NAALADL2: variants seen among roughly 807,000 people sequenced by gnomAD.
The protein encoded by NAALADL2 is N-acetylated alpha-linked acidic dipeptidase like 2.
A neutral mutation model predicts 87.2 loss-of-function variants in NAALADL2; 76 were observed. The observed-to-expected ratio is 0.87, with a 90% confidence interval of 0.72 to 1.05. The LOEUF (loss-of-function observed/expected upper bound fraction) is 1.05, where lower values mean the gene tolerates loss of function less well. Ranked by LOEUF, NAALADL2 falls within the 50% of genes least tolerant of loss-of-function variation. The pLI is 0.00. For synonymous variants in NAALADL2, 354 were observed against 331.0 expected (o/e 1.07, Z -0.75); for missense variants, 1,089 against 945.8 (o/e 1.15, Z -1.99).
Position 175,627,312 on chromosome 3 carries a change from G to T in NAALADL2, c.1822G>T (p.Ala608Ser), listed in dbSNP as rs752378938. ...GCAGGGTCCAAGTTTTCTCTCCGAG[G>T]CCCGTTTTTCTACACGAGCAACAAA... ...TLEGPSFLSE[A>S]RFSTRATKIE... Residue 608 changes from alanine to serine, a missense_variant, in exon 11 of 14, where the codon GCC becomes TCC. Physicochemically the swap from Ala to Ser is moderately conservative, Grantham distance 99 (BLOSUM62 1). Transcript: ENST00000454872. 2 of 1,567,964 alleles carry T rather than the reference G, an allele frequency of 1.3e-6. No individual in the cohort carries two copies. The highest frequency in any genetic ancestry group is 1.7e-6 in the Non-Finnish European group (2 of 1,154,124).
At chr3:175,325,948 T>G (rs1031582487) in intron 5 of NAALADL2, among the ~76,000 whole-genome samples, 7 of 152,286 alleles carry the variant, frequency 4.6e-5, no homozygotes, top group African/African-American at 1.7e-4. Flanking sequence ...CTAGAAATAA[T>G]TTTTCATTTT....
At chr3:175,342,120 T>C (rs1762624008) in intron 5 of NAALADL2, among the ~76,000 whole-genome samples, 1 of 152,168 alleles carries the variant, frequency 6.6e-6, no homozygotes, top group Admixed American at 6.6e-5. Flanking sequence ...TACAACTTTG[T>C]TCTTGTTTTG....
intron 5 of NAALADL2, among the ~76,000 whole-genome samples, chr3:175,355,509 C>G (rs914671494): frequency 6.6e-6 from 1 of 152,156 alleles, no homozygotes; most frequent in Non-Finnish European, 1.5e-5. Context: ...ACTGATTGCG[C>G]TCAGGCTGGC....
At chr3:174,809,981 G>C (rs1009199965) in intron 3 of NAALADL2, among the ~76,000 whole-genome samples, 1 of 152,108 alleles carries the variant, frequency 6.6e-6, no homozygotes, top group East Asian at 1.9e-4. Context: ...TGCTCCTGCT[G>C]TGGAAGATGC....
intron 5 of NAALADL2, among the ~76,000 whole-genome samples, chr3:175,343,655 G>GTTTTTTTTTTTTGTTTTT (rs1762802173): frequency 1.5e-5 from 1 of 64,726 alleles, no homozygotes; most frequent in African/African-American, 4.6e-5. Context: ...TCTTGATCAT[G>GTTTTTTTTTTTTGTTTTT]TTTTTTTTTT....
chr3:175,662,326 T>C (rs2149814779), intron 11 of NAALADL2, among the ~76,000 whole-genome samples: 1 of 152,136 alleles, frequency 6.6e-6, no homozygotes, highest in Middle Eastern at 3.4e-3. Flanking sequence ...AGCTACTGAT[T>C]TTTGTATGTT....
intron 9 of NAALADL2, among the ~76,000 whole-genome samples, chr3:175,485,750 C>G (rs1422871352): frequency 6.6e-6 from 1 of 152,192 alleles, no homozygotes; most frequent in African/African-American, 2.4e-5. Context: ...CTGGCTCTCC[C>G]AGTCCACTGA....
chr3:174,611,137 G>A (rs1719814494), intron 2 of NAALADL2, among the ~76,000 whole-genome samples: 1 of 148,488 alleles, frequency 6.7e-6, no homozygotes, highest in South Asian at 2.2e-4. Context: ...GACACGGGAA[G>A]GGGAACATCA....
chr3:174,724,880 G>A (rs1453455115), intron 2 of NAALADL2, among the ~76,000 whole-genome samples: 1 of 152,062 alleles, frequency 6.6e-6, no homozygotes, highest in Admixed American at 6.6e-5. Context: ...CTTTAAATGT[G>A]ACAACTTTGA....
rs1043794858 is a variant in NAALADL2, at chr3:174,761,608, T to G, written c.-9+23862T>G. ...GGCACAAAAGTTTTTGCAATTACTT[T>G]TTAAGAAAAATTTTTTTATTATTAT... On this transcript the variant is annotated intron_variant, in intron 3 of 3. Coordinates refer to the NAALADL2 transcript ENST00000434257. 4.6e-5 allele frequency among the ~76,000 whole-genome samples: 7 copies of G among 152,174 alleles called. 1 individual carries two copies. In the South Asian group the frequency reaches 1.0e-3, roughly 22 times the overall value.
At chr3:175,183,003 C>T (rs901801439) in intron 2 of NAALADL2, among the ~76,000 whole-genome samples, 1 of 151,660 alleles carries the variant, frequency 6.6e-6, no homozygotes, top group East Asian at 2.0e-4. Flanking sequence ...ACCTTTTGCG[C>T]AAGATTGGAC....
chr3:175,615,638 A>G (rs1725240176), intron 10 of NAALADL2, among the ~76,000 whole-genome samples: 1 of 151,920 alleles, frequency 6.6e-6, no homozygotes, highest in Admixed American at 6.6e-5. Flanking sequence ...TAGGAGGATC[A>G]CTGGAAGTCA....
chr3:174,552,872 G>A (rs1351713726), intron 2 of NAALADL2, among the ~76,000 whole-genome samples: 2 of 150,234 alleles, frequency 1.3e-5, no homozygotes, highest in Admixed American at 1.3e-4. Context: ...TAATTGCACA[G>A]TGATTTATAG....
intron 9 of NAALADL2, among the ~76,000 whole-genome samples, chr3:175,501,787 G>A (rs1391755502): frequency 6.6e-6 from 1 of 152,106 alleles, no homozygotes; most frequent in African/African-American, 2.4e-5. Context: ...TTGAATTTAG[G>A]AGAAAGGTAA....
intron 11 of NAALADL2, among the ~76,000 whole-genome samples, chr3:175,698,903 A>G (rs1197755443): frequency 1.3e-5 from 2 of 151,928 alleles, no homozygotes; most frequent in Non-Finnish European, 2.9e-5. Context: ...AAATGCTAAG[A>G]AGAGTGCTAA....
chr3:175,013,826 G>A (rs754263567), intron 1 of NAALADL2, among the ~76,000 whole-genome samples: 1 of 151,852 alleles, frequency 6.6e-6, no homozygotes, highest in Non-Finnish European at 1.5e-5. Flanking sequence ...CCTTCCTCTC[G>A]CATGTGCTGA....
intron 13 of NAALADL2, among the ~76,000 whole-genome samples, chr3:175,787,747 C>T (rs111550303): frequency 3.3e-5 from 5 of 151,990 alleles, no homozygotes; most frequent in South Asian, 2.1e-4. Context: ...CACAACATAA[C>T]GCTTTTAGAA....
At chr3:175,336,159 C>T (rs1039083450) in intron 5 of NAALADL2, among the ~76,000 whole-genome samples, 1 of 151,872 alleles carries the variant, frequency 6.6e-6, no homozygotes, top group Non-Finnish European at 1.5e-5. Flanking sequence ...CTCTTTAATT[C>T]CTCAGGCCAT....
At chr3:175,090,390 A>G (rs1719865550) in intron 1 of NAALADL2, among the ~76,000 whole-genome samples, 1 of 151,898 alleles carries the variant, frequency 6.6e-6, no homozygotes, top group Admixed American at 6.6e-5. Context: ...TAAAAACTTT[A>G]CCATAAATAT....
Sources: allele counts gnomAD v4.1 joint callset (sites outside exome capture counted in the v4.1 genomes callset), GRCh38; gene constraint gnomAD v4.1.1; transcripts MANE v1.5; gene names NCBI Gene and HGNC (gene_info 2026-07-23, HGNC 2026-07-21).